The following SASH3 variants were observed in gnomAD, a reference collection of about 807,000 sequenced individuals.
The protein encoded by SASH3 is SAM and SH3 domain containing 3, also known as SAM and SH3 domain-containing protein 3.
SASH3 carries 7 observed loss-of-function variants against 26.1 expected under a neutral mutation model. The observed-to-expected ratio is 0.27, with a 90% CI of 0.15 to 0.50. The LOEUF is 0.50. Among genes scored for constraint, SASH3 ranks in the 20% least tolerant of loss-of-function variants. SASH3 has a pLI of 0.98. For missense variants in SASH3, 231 were observed against 318.3 expected, an observed-to-expected ratio of 0.73 and a Z score of 2.09; for synonymous variants, 138 against 136.8, an observed-to-expected ratio of 1.01 and a Z score of -0.06.
chrX:129,793,729 G>A lies in SASH3; in HGVS notation c.1040G>A (p.Arg347His), dbSNP rs1439129682. ...TVSEPKVDIP[R>H]DSGCFEGSES... ...TCGGAACCCAAGGTGGACATCCCGC[G>A]CGACTCAGGCTGCTTTGAGGGCTCG... The change falls in exon 8 of 8, where the codon CGC (arginine) becomes CAC (histidine). Residue 347 changes from arginine to histidine, a missense_variant. Coordinates refer to ENST00000356892, the MANE Select transcript of SASH3 (RefSeq NM_018990.4). 5 of 1,210,880 alleles carry A rather than the reference G, an allele frequency of 4.1e-6. No homozygotes were observed. Among genetic ancestry groups the A allele is most frequent in the Non-Finnish European group, 4.5e-6 (4 of 895,285 alleles).
intron 4 of SASH3, among the ~76,000 whole-genome samples, chrX:129,791,982 T>G (rs900206208): frequency 8.9e-6 from 1 of 112,128 alleles, no homozygotes; most frequent in Non-Finnish European, 1.9e-5. Flanking sequence ...AGCAGTTCAC[T>G]TGGTCTGTGT....
intron 4 of SASH3, among the ~76,000 whole-genome samples, chrX:129,791,541 C>G (rs1927232111): frequency 1.8e-5 from 2 of 112,214 alleles, no homozygotes; most frequent in Non-Finnish European, 3.8e-5. Flanking sequence ...GAGTCAGCCT[C>G]TTGACCCTAG....
Position 129,792,268 on chromosome X carries a change from G to C in SASH3, c.443-60G>C, listed in dbSNP as rs924009786. 16 of 1,138,960 alleles carry C rather than the reference G, an allele frequency of 1.4e-5. No individual in the cohort carries two copies. In the East Asian group the frequency reaches 4.8e-4, roughly 34 times the overall value. The allele number at this position is 1,138,960 out of a possible 1,213,427, so 93.9% of individuals were successfully genotyped here. On this transcript the variant is annotated intron_variant, in intron 4 of 7. Transcript: ENST00000356892. ...CAGGTCCCCTGGAAGGCACCTGCTA[G>C]GCACTGTCTCAGCTGTTCTAGGACA...
chrX:129,782,184 C>T (rs753527360), intron 1 of SASH3, among the ~76,000 whole-genome samples: 5 of 112,160 alleles, frequency 4.5e-5, no homozygotes, highest in Non-Finnish European at 7.5e-5. Flanking sequence ...TCAGTTTCCT[C>T]GCCTCTGAAA....
intron 1 of SASH3, among the ~76,000 whole-genome samples, chrX:129,787,468 A>T (rs927273636): frequency 9.0e-6 from 1 of 111,547 alleles, no homozygotes; most frequent in African/African-American, 3.3e-5. Context: ...TGGGACACAA[A>T]TTCATCAGGC....
intron 2 of SASH3, 67 bp downstream of exon 2, chrX:129,788,137 G>GGGGGCCCGGC: frequency 2.8e-6 from 1 of 354,277 alleles, no homozygotes; most frequent in Non-Finnish European, 5.4e-6. Context: ...GGGTGGGAGG[G>GGGGGCCCGGC]AAGAGGGTGA....
rs1042905756 is a variant in SASH3 at position 129,793,901 on chromosome X, G to A, written c.*69G>A. The A allele has an allele frequency of 6.8e-6, 7 of 1,025,030 alleles. No individual in the cohort carries two copies. Among genetic ancestry groups the A allele is most frequent in the South Asian group, 2.2e-5 (1 of 45,942 alleles). The allele number at this position is 1,025,030 out of a possible 1,213,427, so 84.5% of individuals were successfully genotyped here. Reference sequence around the variant, plus strand: ...GCTGTAGGAGTGGGCCCAGCCTCCCGTGGTGGCCCAGGTCCTGAGGACTGG... The same window carrying A: ...GCTGTAGGAGTGGGCCCAGCCTCCCATGGTGGCCCAGGTCCTGAGGACTGG... On this transcript the variant is annotated 3_prime_UTR_variant, in exon 8 of 8. Transcript: ENST00000356892.
chrX:129,789,104 A>G (rs948625122), intron 3 of SASH3, among the ~76,000 whole-genome samples: 5 of 81,726 alleles, frequency 6.1e-5, no homozygotes, highest in Non-Finnish European at 1.1e-4. Flanking sequence ...TCTGTCTCAA[A>G]AAAAAAAAGA....
At position 129,792,975 on chromosome X, in the gene SASH3, G is replaced by A; in HGVS notation, c.802-14G>A. On this transcript the variant is annotated splice_polypyrimidine_tract_variant and intron_variant, in intron 6 of 7. Transcript: ENST00000356892. ...TGGTAAGCAGCTGTGCCGATGGCCT[G>A]CCTCTGCCTACAGGAGCACACATCC... The A allele has an allele frequency of 8.3e-7, 1 of 1,211,328 alleles. No homozygotes were observed. The highest frequency in any genetic ancestry group is 1.1e-6 in the Non-Finnish European group (1 of 895,183).
Position 129,788,492 on chromosome X carries a change from TG to T in SASH3, c.219del (p.Lys74ArgfsTer6). ...GATGCTGGGAAGAGTGGCAAAAAGC[TG>T]GGGAAGAAGTGGAGGGCAGTGATTT... is the stretch of plus-strand genomic sequence containing the variant. ...PEDAGKSGKK[L>X]GKKWRAVISR... On this transcript the variant is annotated frameshift_variant, in exon 3 of 8. Transcript: ENST00000356892. LOFTEE classifies it high-confidence loss of function. The T allele has an allele frequency of 8.3e-7, 1 of 1,211,189 alleles. No homozygotes were observed. The highest frequency in any genetic ancestry group is 1.1e-6 in the Non-Finnish European group (1 of 895,136).
At position 129,793,851 on chromosome X, in the gene SASH3, C is replaced by A. The variant is rs1394183322; in HGVS notation, c.*19C>A. On this transcript the variant is annotated 3_prime_UTR_variant, in exon 8 of 8. Coordinates refer to ENST00000356892, the MANE Select transcript of SASH3 (RefSeq NM_018990.4). ...ACCTTGAGGTGGCGGTGGCAATAGG[C>A]CAAGGCTGGGACCCAGCTGCAAAGG... 13 of 1,158,243 alleles carry A rather than the reference C, an allele frequency of 1.1e-5. No homozygotes were observed. The highest frequency in any genetic ancestry group is 1.5e-5 in the Non-Finnish European group (13 of 865,711).
chrX:129,781,166 G>T (rs922613824), intron 1 of SASH3, among the ~76,000 whole-genome samples: 2 of 112,243 alleles, frequency 1.8e-5, no homozygotes, highest in Non-Finnish European at 3.8e-5. Flanking sequence ...GCTATCCCCC[G>T]CCAATTTTCC....
In SASH3 at chrX:129,794,237, C is replaced by T; in HGVS notation, c.*405C>T. ...GTCGCACTGCTCCTGAAAAGGGGGC[C>T]AAGTCAATGTTTCAGGTCAGTCTAA... On this transcript the variant is annotated 3_prime_UTR_variant, in exon 8 of 8. Coordinates refer to ENST00000356892, the MANE Select transcript of SASH3 (RefSeq NM_018990.4). 2 of 171,747 alleles carry T rather than the reference C, an allele frequency of 1.2e-5. No homozygotes were observed. The highest frequency in any genetic ancestry group is 2.4e-4 in the East Asian group (2 of 8,266). 14.2% of individuals were successfully genotyped at this position (171,747 alleles called of 1,213,427 possible). A position where few individuals can be genotyped will look rare whatever the true frequency, so the allele number is the denominator to read the frequency against.
chrX:129,789,165 G>GAAAGAAAGAA (rs1360193980), intron 3 of SASH3, among the ~76,000 whole-genome samples: 4 of 62,480 alleles, frequency 6.4e-5, no homozygotes, highest in Non-Finnish European at 8.3e-5. Context: ...AAGAAAGAAA[G>GAAAGAAAGAA]AGAAAAAAAA....
intron 2 of SASH3, 67 bp downstream of exon 2, chrX:129,788,137 G>GGGGGGGGGGGGGGGGGGGGGGGCTGGC: frequency 2.8e-6 from 1 of 354,274 alleles, no homozygotes; most frequent in Non-Finnish European, 5.4e-6. Context: ...GGGTGGGAGG[G>GGGGGGGGGGGGGGGGGGGGGGGCTGGC]AAGAGGGTGA....
rs1271471337 is a variant in SASH3, at chrX:129,792,962, G to A, written c.802-27G>A. Reference sequence around the variant, plus strand: ...AGGCAGGGGTGGCTGGTAAGCAGCTGTGCCGATGGCCTGCCTCTGCCTACA... The same window carrying A: ...AGGCAGGGGTGGCTGGTAAGCAGCTATGCCGATGGCCTGCCTCTGCCTACA... On this transcript the variant is annotated intron_variant, in intron 6 of 7. Coordinates refer to ENST00000356892, the MANE Select transcript of SASH3 (RefSeq NM_018990.4). 4 of 1,210,479 alleles carry A rather than the reference G, an allele frequency of 3.3e-6. No homozygotes were observed. The South Asian group carries it at 7.0e-5, about 21-fold the overall frequency.
intron 3 of SASH3, among the ~76,000 whole-genome samples, chrX:129,789,435 C>T (rs1461721635): frequency 9.0e-6 from 1 of 110,834 alleles, no homozygotes; most frequent in Non-Finnish European, 1.9e-5. Context: ...GAGTTCGAGA[C>T]CAGCCTGGCC....
At chrX:129,790,680 G>A (rs1927214006) in intron 3 of SASH3, among the ~76,000 whole-genome samples, 2 of 111,141 alleles carry the variant, frequency 1.8e-5, no homozygotes, top group Admixed American at 9.5e-5. Context: ...TATGTACATC[G>A]GCACTTGAGG....
chrX:129,784,094 C>CT (rs200513384), intron 1 of SASH3, among the ~76,000 whole-genome samples: 8 of 109,725 alleles, frequency 7.3e-5, no homozygotes, highest in African/African-American at 2.7e-4. Context: ...GTTACTACAC[C>CT]CCCCCCTTCC....
Sources: allele counts gnomAD v4.1 joint callset (sites outside exome capture counted in the v4.1 genomes callset), GRCh38; gene constraint gnomAD v4.1.1; transcripts MANE v1.5; gene names NCBI Gene and HGNC (gene_info 2026-07-23, HGNC 2026-07-21).